The following CD44 variants were observed in gnomAD, a reference collection of about 807,000 sequenced individuals.
The protein encoded by CD44 is CD44 antigen.
CD44 carries 49 observed loss-of-function variants against 88.8 expected under a neutral mutation model. The observed-to-expected ratio is 0.55, with a 90% CI of 0.44 to 0.70. The LOEUF (loss-of-function observed/expected upper bound fraction) is 0.70. CD44 is among the 30% of genes least tolerant of loss of function. CD44 has a pLI of 0.00. For missense variants in CD44, 883 were observed against 913.8 expected, an observed-to-expected ratio of 0.97 and a Z score of 0.43; for synonymous variants, 325 against 312.3, an observed-to-expected ratio of 1.04 and a Z score of -0.43.
At chr11:35,159,750 C>T (rs145672403) in intron 1 of CD44, among the ~76,000 whole-genome samples, 248 of 152,268 alleles carry the variant, frequency 1.6e-3, no homozygotes, top group Non-Finnish European at 3.1e-3. Context: ...GCTCATAAAG[C>T]GGACGTAACC....
At chr11:35,202,376 T>A (rs1947398416) in intron 9 of CD44, among the ~76,000 whole-genome samples, 1 of 152,158 alleles carries the variant, frequency 6.6e-6, no homozygotes, top group African/African-American at 2.4e-5. Context: ...TTATTTCTAC[T>A]ATTATGAAAA....
chr11:35,214,818 A>G, intron 14 of CD44, 34 bp from the exon 15 acceptor site: 5 of 1,306,044 alleles, frequency 3.8e-6, no homozygotes, highest in Non-Finnish European at 5.2e-6. Flanking sequence ...AAGTGAAAAC[A>G]TGCAGTACTG....
chr11:35,160,350 G>A (rs1015806283), intron 1 of CD44, among the ~76,000 whole-genome samples: 6 of 152,330 alleles, frequency 3.9e-5, no homozygotes, highest in South Asian at 2.1e-4. Flanking sequence ...GCTGAAAGGC[G>A]TTTATTTGGT....
chr11:35,221,746 C>T lies in CD44; in HGVS notation c.2024+14C>T. 2 of 1,611,206 alleles carry T rather than the reference C, an allele frequency of 1.2e-6. No individual in the cohort carries two copies. The highest frequency in any genetic ancestry group is 8.5e-7 in the Non-Finnish European group (1 of 1,177,332). ...CAGTCGAAGAAGGTAAGGGGCTGTC[C>T]TGGGGGCTTTCAACTTGGAAAGGGC... is the stretch of plus-strand genomic sequence containing the variant. On this transcript the variant is annotated intron_variant, in intron 17 of 17. Transcript: ENST00000428726.
At chr11:35,225,299 T>C (rs1949621855) in intron 17 of CD44, among the ~76,000 whole-genome samples, 1 of 152,202 alleles carries the variant, frequency 6.6e-6, no homozygotes, top group Non-Finnish European at 1.5e-5. Flanking sequence ...AGTTGCCAAG[T>C]TACCCACCTA....
intron 1 of CD44, among the ~76,000 whole-genome samples, chr11:35,144,523 T>C (rs1858715629): frequency 6.6e-6 from 1 of 152,182 alleles, no homozygotes; most frequent in East Asian, 1.9e-4. Flanking sequence ...TGAATCCCAC[T>C]TTTCACTCAC....
intron 1 of CD44, among the ~76,000 whole-genome samples, chr11:35,151,365 C>G (rs1860290550): frequency 1.3e-5 from 2 of 152,176 alleles, no homozygotes; most frequent in South Asian, 4.1e-4. Context: ...GAATCACCCT[C>G]TCAGACAGTG....
At chr11:35,182,009 G>GTATATATAAATTTATATTTATATATATT (rs1565081892) in intron 3 of CD44, among the ~76,000 whole-genome samples, 2 of 110,310 alleles carry the variant, frequency 1.8e-5, no homozygotes, top group Non-Finnish European at 3.4e-5. Flanking sequence ...TTATATATAT[G>GTATATATAAATTTATATTTATATATATT]TATATATGTA....
chr11:35,156,510 G>C (rs564271244), intron 1 of CD44, among the ~76,000 whole-genome samples: 1 of 152,290 alleles, frequency 6.6e-6, no homozygotes, highest in South Asian at 2.1e-4. Context: ...AACCAAAATG[G>C]TGTATGTTTC....
chr11:35,184,065 C>T (rs1040405503), intron 3 of CD44, among the ~76,000 whole-genome samples: 36 of 152,106 alleles, frequency 2.4e-4, no homozygotes, highest in Non-Finnish European at 8.8e-5. Context: ...TCTAACAAGT[C>T]CTCAGATTCA....
rs749156349 is a variant in CD44, at chr11:35,211,253, T to C, written c.1614T>C (p.Asn538=). ...GATTCCACCTCCACACAGATAGGAA[T>C]GATGTCACAGGTGGAAGAAGAGACC... The part of the protein sequence containing the change: ...TTSTLTSSNR[N]DVTGGRRDPN... Residue 538 remains asparagine (N), a synonymous_variant, in exon 14 of 18, where the codon AAT becomes AAC. Transcript: ENST00000428726. The C allele has an allele frequency of 6.2e-6, 10 of 1,613,322 alleles. No homozygotes were observed. Among genetic ancestry groups the C allele is most frequent in the Non-Finnish European group, 3.4e-6 (4 of 1,179,402 alleles).
At chr11:35,163,724 C>T (rs1446818623) in intron 1 of CD44, among the ~76,000 whole-genome samples, 1 of 152,108 alleles carries the variant, frequency 6.6e-6, no homozygotes, top group Non-Finnish European at 1.5e-5. Flanking sequence ...TCAGCTCCCT[C>T]CCCCCAGCTA....
chr11:35,221,770 G>A (rs760499373), intron 17 of CD44, 38 bp downstream of exon 17: 11 of 1,556,112 alleles, frequency 7.1e-6, no homozygotes, highest in South Asian at 3.3e-5. Flanking sequence ...CTTGGAAAGG[G>A]CATCATTTAA....
chr11:35,189,249 T>G (rs958557256), intron 4 of CD44, among the ~76,000 whole-genome samples: 2 of 152,218 alleles, frequency 1.3e-5, no homozygotes, highest in African/African-American at 4.8e-5. Context: ...TTAGACCTGC[T>G]GGTTTCCTAG....
Position 35,229,629 on chromosome 11 carries a change from A to G in CD44, c.*296A>G, listed in dbSNP as rs532109447. On this transcript the variant is annotated 3_prime_UTR_variant, in exon 18 of 18. Coordinates refer to ENST00000428726, the MANE Select transcript of CD44 (RefSeq NM_000610.4). ...GGGTGTGCTATGGATGGCTTCTAAC[A>G]AAAACTACACATATGTATTCCTGAT... 72 of 365,574 alleles carry G rather than the reference A, an allele frequency of 2.0e-4. 1 individual carries two copies. The East Asian group carries it at 3.9e-3, about 20-fold the overall frequency. 22.6% of individuals were successfully genotyped at this position (365,574 alleles called of 1,614,324 possible). A position where few individuals can be genotyped will look rare whatever the true frequency, so the allele number is the denominator to read the frequency against.
Position 35,206,139 on chromosome 11 carries a change from T to C in CD44, c.1310T>C (p.Met437Thr). Residue 437 changes from methionine (M) to threonine (T), a missense_variant, in exon 11 of 18, where the codon ATG (methionine) becomes ACG (threonine). Met to Thr is a moderately conservative substitution (Grantham distance 81, BLOSUM62 -1). Transcript: ENST00000428726. ...AAASAHTSHP[M>T]QGRTTPSPED... ...GCCTCAGCTCATACCAGCCATCCAA[T>C]GCAAGGAAGGACAACACCAAGCCCA... is the stretch of plus-strand genomic sequence containing the variant. 6.2e-7 allele frequency: 1 copy of C among 1,611,282 alleles called. No homozygotes were observed. The highest frequency in any genetic ancestry group is 8.5e-7 in the Non-Finnish European group (1 of 1,178,684).
At position 35,230,384 on chromosome 11, in the gene CD44, G is replaced by A. The variant is rs968517670; in HGVS notation, c.*1051G>A. On this transcript the variant is annotated 3_prime_UTR_variant, in exon 18 of 18. Transcript: ENST00000428726. ...AGTTTGCATGACCTGTTATCCCTGG[G>A]GCCCTATTTCATAGAGGCTGGCCCT... 3 of 151,988 alleles carry A rather than the reference G, an allele frequency of 2.0e-5. No homozygotes were observed. Among genetic ancestry groups the A allele is most frequent in the African/African-American group, 7.3e-5 (3 of 41,354 alleles). 9.4% of individuals were successfully genotyped at this position (151,988 alleles called of 1,614,324 possible).
intron 1 of CD44, among the ~76,000 whole-genome samples, chr11:35,168,026 T>C (rs533856322): frequency 6.6e-6 from 1 of 152,296 alleles, no homozygotes; most frequent in East Asian, 1.9e-4. Flanking sequence ...GACTTCAGAA[T>C]CTCCTCTCTG....
At chr11:35,180,151 C>T in intron 2 of CD44, 123 bp from the exon 3 acceptor site, 2 of 901,082 alleles carry the variant, frequency 2.2e-6, no homozygotes, top group Non-Finnish European at 3.4e-6. Context: ...TTGTTGAAAC[C>T]TCCGATATCC....
Sources: allele counts gnomAD v4.1 joint callset (sites outside exome capture counted in the v4.1 genomes callset), GRCh38; gene constraint gnomAD v4.1.1; transcripts MANE v1.5; gene names NCBI Gene and HGNC (gene_info 2026-07-23, HGNC 2026-07-21).